Variants in VWA3A observed in about 807,000 individuals in gnomAD.
VWA3A encodes von Willebrand factor A domain-containing protein 3A.
A neutral mutation model predicts 160.4 loss-of-function variants in VWA3A; 134 were observed. The ratio of observed to expected loss-of-function variants is 0.84; its 90% confidence interval spans 0.73 to 0.96. The LOEUF (loss-of-function observed/expected upper bound fraction) is 0.96. Among genes scored for constraint, VWA3A ranks in the 40% least tolerant of loss-of-function variants. The pLI is 0.00. For synonymous variants in VWA3A, 476 were observed against 543.4 expected (o/e 0.88, Z 1.72); for missense variants, 1,310 against 1,447.9 (o/e 0.90, Z 1.55).
intron 27 of VWA3A, 81 bp from the exon 28 acceptor site, chr16:22,148,081 G>C: frequency 6.8e-7 from 1 of 1,461,338 alleles, no homozygotes; most frequent in South Asian, 1.4e-5. Context: ...CTTTATACTT[G>C]ATAGATAGAG....
At chr16:22,097,542 G>A (rs1299887035) in intron 2 of VWA3A, 30 bp from the exon 3 acceptor site, 5 of 1,549,622 alleles carry the variant, frequency 3.2e-6, no homozygotes, top group Non-Finnish European at 3.5e-6. Flanking sequence ...CAGTGCTGGG[G>A]CATTGATCAA....
chr16:22,115,479 C>T lies in VWA3A; in HGVS notation c.815+7C>T. The T allele has an allele frequency of 1.2e-6, 2 of 1,600,406 alleles. No individual in the cohort carries two copies. Among genetic ancestry groups the T allele is most frequent in the Admixed American group, 1.8e-5 (1 of 56,908 alleles). ...TGGCCATCATGAGAAGCTGGTAGGTCTTCTTTCCTAAGCAGGTGACATACT... is the reference window on the plus strand; with the variant it reads ...TGGCCATCATGAGAAGCTGGTAGGTTTTCTTTCCTAAGCAGGTGACATACT... On this transcript the variant is annotated splice_region_variant and intron_variant, in intron 9 of 33. Transcript: ENST00000389398.
chr16:22,123,578 T>G, intron 15 of VWA3A, 35 bp from the exon 16 acceptor site: 2 of 1,613,824 alleles, frequency 1.2e-6, no homozygotes, highest in Non-Finnish European at 1.7e-6. Flanking sequence ...GCTCAGCCTT[T>G]GAGCAGCCGC....
chr16:22,128,295 A>T (rs2045887468), intron 17 of VWA3A, among the ~76,000 whole-genome samples: 2 of 152,182 alleles, frequency 1.3e-5, no homozygotes, highest in Admixed American at 6.5e-5. Flanking sequence ...AACTGAAGGG[A>T]TGTAATACTG....
intron 9 of VWA3A, chr16:22,116,461 A>C: frequency 2.1e-6 from 1 of 483,882 alleles, no homozygotes; most frequent in Non-Finnish European, 3.8e-6. Context: ...AAGGAAGGAA[A>C]GAAGGAAGAG....
chr16:22,154,323 C>CTTTTTTTTTTTTTTT (rs988862954), intron 31 of VWA3A, among the ~76,000 whole-genome samples: 211 of 73,854 alleles, frequency 2.9e-3, no homozygotes, highest in East Asian at 4.5e-3. Context: ...TTTTCTTTTT[C>CTTTTTTTTTTTTTTT]TTTTTTTTTT....
chr16:22,123,743 G>T, intron 16 of VWA3A, 36 bp downstream of exon 16: 1 of 1,575,102 alleles, frequency 6.3e-7, no homozygotes, highest in Non-Finnish European at 8.7e-7. Flanking sequence ...TCCTTCATGG[G>T]TCTGGTGTGT....
intron 8 of VWA3A, among the ~76,000 whole-genome samples, chr16:22,111,777 CCAGT>C (rs1316677997): frequency 6.6e-6 from 1 of 152,134 alleles, no homozygotes; most frequent in Non-Finnish European, 1.5e-5. Context: ...GCCACCACAC[CCAGT>C]CAGTTTGTTT....
intron 8 of VWA3A, among the ~76,000 whole-genome samples, chr16:22,113,173 T>G (rs2045575645): frequency 6.6e-6 from 1 of 151,944 alleles, no homozygotes; most frequent in South Asian, 2.1e-4. Context: ...TATTTTTTAT[T>G]TATTTGGTTT....
chr16:22,095,759 G>A (rs1019182609), intron 1 of VWA3A, among the ~76,000 whole-genome samples: 4 of 151,662 alleles, frequency 2.6e-5, no homozygotes, highest in Non-Finnish European at 4.4e-5. Context: ...ATGGGGTCTC[G>A]CTGGTTTGCC....
At position 22,116,435 on chromosome 16, in the gene VWA3A, AAG is replaced by A. The variant is rs910867108; in HGVS notation, c.816-313_816-312del. 7.4e-4 allele frequency: 337 copies of A among 452,422 alleles called. 2 individuals carry two copies. The highest frequency in any genetic ancestry group is 4.4e-3 in the East Asian group (76 of 17,190). 28.0% of individuals were successfully genotyped at this position (452,422 alleles called of 1,614,324 possible). A position where few individuals can be genotyped will look rare whatever the true frequency, so the allele number is the denominator to read the frequency against. Reference sequence around the variant, plus strand: ...ACAAAGGAAAAAGGAAAGAGAGAGGAAGAGAGAGAGAGGAGAAGGAAGGAAAG... The same window carrying A: ...ACAAAGGAAAAAGGAAAGAGAGAGGAAGAGAGAGAGGAGAAGGAAGGAAAG... On this transcript the variant is annotated intron_variant, in intron 9 of 33. Coordinates refer to ENST00000389398, the MANE Select transcript of VWA3A (RefSeq NM_173615.5).
In VWA3A at chr16:22,137,071, C is replaced by CTAAATAAA. The variant is rs59108718; in HGVS notation, c.2140-1265_2140-1258dup. ...CTGGCAACAGAGTAAGACTCTGTCTCTAAATAAATAAATAAATAAATAAAT... is the reference window on the plus strand; with the variant it reads ...CTGGCAACAGAGTAAGACTCTGTCTCTAAATAAATAAATAAATAAATAAATAAATAAAT... On this transcript the variant is annotated intron_variant, in intron 21 of 33. Transcript: ENST00000389398. 1.4e-3 allele frequency among the ~76,000 whole-genome samples: 211 copies of CTAAATAAA among 149,760 alleles called. 2 individuals are homozygous for CTAAATAAA. The South Asian group carries it at 0.016, about 11-fold the overall frequency.
intron 31 of VWA3A, among the ~76,000 whole-genome samples, chr16:22,154,683 G>A (rs972007307): frequency 2.0e-5 from 3 of 151,534 alleles, no homozygotes; most frequent in African/African-American, 7.3e-5. Context: ...AGCCGGGCGC[G>A]GTGGCTCACG....
intron 32 of VWA3A, 24 bp from the exon 33 acceptor site, chr16:22,155,827 C>T: frequency 1.2e-6 from 2 of 1,613,884 alleles, no homozygotes; most frequent in Non-Finnish European, 1.7e-6. Context: ...GGGAGACCAT[C>T]TTTCTTCATC....
chr16:22,128,192 C>G (rs973102409), intron 17 of VWA3A, among the ~76,000 whole-genome samples: 1 of 152,082 alleles, frequency 6.6e-6, no homozygotes, highest in Non-Finnish European at 1.5e-5. Context: ...GTTTCCTGTG[C>G]TATAGGATAT....
chr16:22,116,346 AAAG>A (rs771416165), intron 9 of VWA3A: 46 of 445,598 alleles, frequency 1.0e-4, no homozygotes, highest in African/African-American at 5.5e-4. Context: ...GAGAAAGAAA[AAAG>A]AAAAGGAAGG....
intron 22 of VWA3A, 156 bp downstream of exon 22, chr16:22,138,668 G>GA: frequency 2.0e-6 from 2 of 999,424 alleles, no homozygotes; most frequent in Non-Finnish European, 2.8e-6. Context: ...CCTCCAGGGG[G>GA]AAAATCTCCC....
chr16:22,155,531 C>T, intron 31 of VWA3A, 36 bp from the exon 32 acceptor site: 5 of 1,586,708 alleles, frequency 3.2e-6, no homozygotes, highest in Non-Finnish European at 4.3e-6. Context: ...AGCTCCCATC[C>T]AGTCATAAAC....
At chr16:22,099,335 CA>C (rs915367086) in intron 3 of VWA3A, among the ~76,000 whole-genome samples, 2 of 152,144 alleles carry the variant, frequency 1.3e-5, no homozygotes, top group Admixed American at 6.5e-5. Flanking sequence ...GAGGTGGTCA[CA>C]GTTTGGTGCT....
Sources: allele counts gnomAD v4.1 joint callset (sites outside exome capture counted in the v4.1 genomes callset), GRCh38; gene constraint gnomAD v4.1.1; transcripts MANE v1.5; gene names NCBI Gene and HGNC (gene_info 2026-07-23, HGNC 2026-07-21).